Variants in HSD17B2 observed in about 807,000 individuals in gnomAD.
HSD17B2 encodes 17-beta-hydroxysteroid dehydrogenase type 2.
In HSD17B2, 32 loss-of-function variants were observed where a neutral mutation model predicts 26.9. The observed-to-expected ratio is 1.19, with a 90% CI of 0.90 to 1.60. The LOEUF is 1.60. HSD17B2 is among the 40% of genes most tolerant of loss of function. HSD17B2 has a pLI of 0.00. For missense variants in HSD17B2, 613 were observed against 468.6 expected, an observed-to-expected ratio of 1.31 and a Z score of -2.85; for synonymous variants, 246 against 186.7, an observed-to-expected ratio of 1.32 and a Z score of -2.59.
intron 1 of HSD17B2, 64 bp downstream of exon 1, chr16:82,035,753 G>GT: frequency 6.6e-7 from 1 of 1,522,632 alleles, no homozygotes; most frequent in South Asian, 1.2e-5. Context: ...GCCTTAGCAG[G>GT]ACTTTGTCAA....
At chr16:82,043,354 C>G (rs1376877258) in intron 1 of HSD17B2, among the ~76,000 whole-genome samples, 1 of 152,068 alleles carries the variant, frequency 6.6e-6, no homozygotes, top group Non-Finnish European at 1.5e-5. Flanking sequence ...GGTGAGCAGC[C>G]AAGAACAGAT....
chr16:82,074,934 T>G (rs1904293725), intron 3 of HSD17B2, among the ~76,000 whole-genome samples: 1 of 152,212 alleles, frequency 6.6e-6, no homozygotes, highest in African/African-American at 2.4e-5. Flanking sequence ...TTCTCAAGGA[T>G]AGACCATATG....
intron 3 of HSD17B2, among the ~76,000 whole-genome samples, chr16:82,073,838 C>A (rs570893124): frequency 6.6e-6 from 1 of 152,086 alleles, no homozygotes; most frequent in East Asian, 1.9e-4. Flanking sequence ...CTTCACAGAA[C>A]TAGAAAAAAA....
intron 2 of HSD17B2, 121 bp downstream of exon 2, chr16:82,068,503 TG>T: frequency 1.3e-6 from 1 of 771,822 alleles, no homozygotes; most frequent in South Asian, 1.7e-5. Context: ...GAAGCACACC[TG>T]TGCTGAACCC....
intron 3 of HSD17B2, among the ~76,000 whole-genome samples, chr16:82,075,792 G>T (rs1225641324): frequency 6.6e-6 from 1 of 151,054 alleles, no homozygotes; most frequent in Non-Finnish European, 1.5e-5. Flanking sequence ...AACTTTTAAA[G>T]AAGAACTAAT....
chr16:82,076,127 A>G (rs147838189), intron 3 of HSD17B2, among the ~76,000 whole-genome samples: 2 of 152,264 alleles, frequency 1.3e-5, no homozygotes, highest in African/African-American at 4.8e-5. Context: ...GAAGGACAAA[A>G]CCATATGATC....
intron 4 of HSD17B2, chr16:82,096,598 G>T (rs1904845778): frequency 6.6e-6 from 1 of 151,774 alleles, no homozygotes; most frequent in East Asian, 1.9e-4. Flanking sequence ...TTATATGAGT[G>T]TATATATACT....
At chr16:82,038,420 G>C (rs2143908890) in intron 1 of HSD17B2, among the ~76,000 whole-genome samples, 1 of 152,268 alleles carries the variant, frequency 6.6e-6, no homozygotes, top group Non-Finnish European at 1.5e-5. Context: ...CATGATCTCA[G>C]CTCACTGCAA....
intron 3 of HSD17B2, among the ~76,000 whole-genome samples, chr16:82,083,488 G>C (rs1262998713): frequency 6.6e-6 from 1 of 152,122 alleles, no homozygotes; most frequent in Non-Finnish European, 1.5e-5. Context: ...ATAAGATAAG[G>C]ATAATAGTAA....
intron 1 of HSD17B2, among the ~76,000 whole-genome samples, chr16:82,054,523 T>C (rs1473521241): frequency 6.6e-6 from 1 of 152,158 alleles, no homozygotes; most frequent in Non-Finnish European, 1.5e-5. Flanking sequence ...TTTTGCATTT[T>C]TAGTAGACAT....
At chr16:82,075,908 T>TAA (rs58081050) in intron 3 of HSD17B2, among the ~76,000 whole-genome samples, 3,533 of 134,526 alleles carry the variant, frequency 0.026, 128 homozygotes, top group African/African-American at 0.078. Flanking sequence ...AAATACATGT[T>TAA]AAAAAAAAAA....
At chr16:82,037,214 G>A (rs1913647789) in intron 1 of HSD17B2, among the ~76,000 whole-genome samples, 2 of 152,192 alleles carry the variant, frequency 1.3e-5, no homozygotes, top group Non-Finnish European at 1.5e-5. Context: ...GAATTAAGAT[G>A]AGCACTACAT....
chr16:82,060,922 G>A (rs1423224822), intron 1 of HSD17B2, among the ~76,000 whole-genome samples: 1 of 152,178 alleles, frequency 6.6e-6, no homozygotes. Context: ...GAAACTGGAG[G>A]GAGCCAATGA....
chr16:82,076,337 A>T (rs781371715), intron 3 of HSD17B2, among the ~76,000 whole-genome samples: 33 of 152,202 alleles, frequency 2.2e-4, no homozygotes, highest in Non-Finnish European at 4.0e-4. Flanking sequence ...CACGACAAGG[A>T]TGCCCACTTT....
At chr16:82,039,248 T>TAC (rs56169712) in intron 1 of HSD17B2, among the ~76,000 whole-genome samples, 85,895 of 145,166 alleles carry the variant, frequency 0.59, 25,441 homozygotes, top group Admixed American at 0.67. Context: ...TGGAAAATAA[T>TAC]ACACACACAC....
chr16:82,096,484 A>T (rs934898276), intron 4 of HSD17B2: 1 of 152,172 alleles, frequency 6.6e-6, no homozygotes, highest in Non-Finnish European at 1.5e-5. Context: ...TGGGCCTCCC[A>T]AAGTGCTGGG....
intron 1 of HSD17B2, among the ~76,000 whole-genome samples, chr16:82,053,253 A>G (rs1056166804): frequency 6.6e-6 from 1 of 152,214 alleles, no homozygotes; most frequent in African/African-American, 2.4e-5. Flanking sequence ...ATTGGTGATC[A>G]GAGTCACCTA....
chr16:82,098,133 C>G lies in HSD17B2; in HGVS notation c.861C>G (p.Leu287=). Residue 287 remains leucine (L), a synonymous_variant, in exon 5 of 5, where the codon CTC becomes CTG. Transcript: ENST00000199936. ...EKLEKDILDH[L]PAEVQEDYGQ... is the part of the protein sequence containing the mutation. ...TGGAGAAGGACATTCTGGACCACCT[C>G]CCCGCTGAGGTACAGGAAGACTACG... 6.2e-7 allele frequency: 1 copy of G among 1,613,986 alleles called. No individual in the cohort carries two copies. Among genetic ancestry groups the G allele is most frequent in the Non-Finnish European group, 8.5e-7 (1 of 1,179,962 alleles).
At chr16:82,082,415 T>A (rs974137023) in intron 3 of HSD17B2, among the ~76,000 whole-genome samples, 2 of 152,206 alleles carry the variant, frequency 1.3e-5, no homozygotes, top group African/African-American at 2.4e-5. Flanking sequence ...TGAATATGCA[T>A]ATGAATATAA....
Sources: gnomAD v4.1 joint callset for allele counts (sites outside exome capture counted in the v4.1 genomes callset) on GRCh38, gnomAD v4.1.1 for gene constraint, MANE v1.5 for transcripts, NCBI Gene and HGNC (gene_info 2026-07-23, HGNC 2026-07-21) for gene names.